Variants in KMT5B observed in about 807,000 individuals in gnomAD.
KMT5B encodes histone-lysine N-methyltransferase KMT5B.
Under a neutral mutation model 83.2 loss-of-function variants are expected in KMT5B, and 10 were observed. That is an observed-to-expected ratio of 0.12 (90% confidence interval 0.07 to 0.20). The LOEUF (loss-of-function observed/expected upper bound fraction) is 0.20, where lower values mean the gene tolerates loss of function less well. Among genes scored for constraint, KMT5B ranks in the 10% least tolerant of loss-of-function variants. The probability of loss-of-function intolerance (pLI) is 1.00; values close to 1 mark genes in which losing one functional copy is unlikely to be tolerated. For missense variants in KMT5B, 753 were observed against 1,067.2 expected, an observed-to-expected ratio of 0.71 and a Z score of 4.10; for synonymous variants, 349 against 388.8, an observed-to-expected ratio of 0.90 and a Z score of 1.20.
intron 9 of KMT5B, among the ~76,000 whole-genome samples, chr11:68,168,932 T>TA (rs1336792023): frequency 1.3e-5 from 2 of 152,202 alleles, no homozygotes; most frequent in South Asian, 2.1e-4. Context: ...AAGTAACTGT[T>TA]CAGTTAATAT....
At chr11:68,179,417 G>T (rs1334839694) in intron 4 of KMT5B, 4 of 1,273,888 alleles carry the variant, frequency 3.1e-6, no homozygotes, top group Middle Eastern at 2.2e-4. Context: ...ATTTACAATT[G>T]ATTATTATTA....
At chr11:68,200,693 T>A (rs1159338369) in intron 1 of KMT5B, among the ~76,000 whole-genome samples, 2 of 152,202 alleles carry the variant, frequency 1.3e-5, no homozygotes, top group African/African-American at 2.4e-5. Flanking sequence ...TTAAAAAAAT[T>A]TTTTTAAACT....
At chr11:68,189,804 G>GA in intron 2 of KMT5B, 113 bp downstream of exon 2, 1 of 1,122,796 alleles carries the variant, frequency 8.9e-7, no homozygotes, top group South Asian at 1.9e-5. Flanking sequence ...TGTTAATTAT[G>GA]AAAATGCAAA....
chr11:68,175,453 GTTATT>G (rs1388779824), intron 4 of KMT5B, among the ~76,000 whole-genome samples: 2 of 151,888 alleles, frequency 1.3e-5, no homozygotes, highest in Non-Finnish European at 2.9e-5. Context: ...TTTTCAATCT[GTTATT>G]TTAATTATTT....
rs11821031 is a variant in KMT5B, at chr11:68,168,844, G to A, written c.978-1666C>T. ...CCCTCTGGCTCTCAGCACAGTGTGT[G>A]TGTCCCCTTCACTGAACTGCCCTGA... On this transcript the variant is annotated intron_variant, in intron 9 of 10. Coordinates refer to ENST00000304363, the MANE Select transcript of KMT5B (RefSeq NM_017635.5). Among the ~76,000 whole-genome samples the A allele has an allele frequency of 2.5e-3, 380 of 152,268 alleles. 3 individuals are homozygous for A. The highest frequency in any genetic ancestry group is 8.3e-3 in the African/African-American group (346 of 41,540).
At chr11:68,170,661 G>A (rs571648692) in intron 9 of KMT5B, among the ~76,000 whole-genome samples, 1 of 152,270 alleles carries the variant, frequency 6.6e-6, no homozygotes, top group South Asian at 2.1e-4. Context: ...GACTATCAGT[G>A]GTGAACTCCA....
chr11:68,210,644 T>C (rs903059254), intron 1 of KMT5B, among the ~76,000 whole-genome samples: 3 of 152,194 alleles, frequency 2.0e-5, no homozygotes, highest in Non-Finnish European at 2.9e-5. Context: ...GAAGATGGCC[T>C]GGTGTTCAAG....
intron 9 of KMT5B, 32 bp from the exon 10 acceptor site, chr11:68,167,210 T>G (rs1459610307): frequency 6.4e-7 from 1 of 1,566,948 alleles, no homozygotes; most frequent in Non-Finnish European, 8.7e-7. Context: ...GTTAAACAAA[T>G]AGAACACACT....
chr11:68,211,205 TC>T (rs745444461), intron 1 of KMT5B, among the ~76,000 whole-genome samples: 2 of 152,140 alleles, frequency 1.3e-5, no homozygotes, highest in African/African-American at 4.8e-5. Flanking sequence ...CCGGGACACT[TC>T]CTTCACACGC....
rs568101165 is a variant in KMT5B at position 68,161,538 on chromosome 11, CCCG to C, written c.1175-2370_1175-2368del. Among the ~76,000 whole-genome samples the C allele has an allele frequency of 2.4e-3, 361 of 152,242 alleles. 2 individuals carry two copies. Among genetic ancestry groups the C allele is most frequent in the African/African-American group, 7.9e-3 (327 of 41,524 alleles). On this transcript the variant is annotated intron_variant, in intron 10 of 10. Transcript: ENST00000304363. The stretch of plus-strand genomic sequence containing the variant: ...CTATGTCATATTCTCAACAGCAATC[CCCG>C]CCATCTGGATCCAGCCTGCTCCTCC...
At chr11:68,195,643 T>G (rs1858610154) in intron 1 of KMT5B, among the ~76,000 whole-genome samples, 2 of 152,222 alleles carry the variant, frequency 1.3e-5, no homozygotes, top group Admixed American at 1.3e-4. Context: ...GGAGCAAGAC[T>G]GTAACTTTCC....
At chr11:68,161,601 G>T (rs929128010) in intron 10 of KMT5B, among the ~76,000 whole-genome samples, 5 of 152,112 alleles carry the variant, frequency 3.3e-5, no homozygotes, top group African/African-American at 1.2e-4. Context: ...ACAACTTCTT[G>T]TCGTCAAACC....
At position 68,155,225 on chromosome 11, in the gene KMT5B, A is replaced by C. The variant is rs1312008909; in HGVS notation, c.*2463T>G. On this transcript the variant is annotated 3_prime_UTR_variant, in exon 11 of 11. Transcript: ENST00000304363. ...TGGTCAACGGTGTGTGGCTGTCACCATTCCACACGGTGAAGTTCTACAGCA... is the reference window on the plus strand; with the variant it reads ...TGGTCAACGGTGTGTGGCTGTCACCCTTCCACACGGTGAAGTTCTACAGCA... 2.0e-5 allele frequency: 3 copies of C among 152,216 alleles called. No individual in the cohort carries two copies. Among genetic ancestry groups the C allele is most frequent in the Non-Finnish European group, 2.9e-5 (2 of 68,046 alleles). 9.4% of individuals were successfully genotyped at this position (152,216 alleles called of 1,614,324 possible). A position where few individuals can be genotyped will look rare whatever the true frequency, so the allele number is the denominator to read the frequency against.
intron 1 of KMT5B, among the ~76,000 whole-genome samples, chr11:68,193,307 C>T (rs1740124834): frequency 6.6e-6 from 1 of 152,176 alleles, no homozygotes; most frequent in African/African-American, 2.4e-5. Context: ...TTCCTTTCCA[C>T]AAACACATAG....
Position 68,171,461 on chromosome 11 carries a change from T to A in KMT5B, c.820+82A>T. The stretch of plus-strand genomic sequence containing the variant: ...ATTCTCCTTTAAAGGAAGATAAAGG[T>A]TTGACTGAGGTTGACAAGGCCATTC... On this transcript the variant is annotated intron_variant, in intron 7 of 10. Coordinates refer to ENST00000304363, the MANE Select transcript of KMT5B (RefSeq NM_017635.5). This position sits in a 1 kb window ranked among gnomAD's most constrained non-coding sequence, Gnocchi z 5.1. 6.9e-7 allele frequency: 1 copy of A among 1,443,312 alleles called. No individual in the cohort carries two copies. The highest frequency in any genetic ancestry group is 9.5e-7 in the Non-Finnish European group (1 of 1,053,150). The allele number at this position is 1,443,312 out of a possible 1,614,324, so 89.4% of individuals were successfully genotyped here. A position where few individuals can be genotyped will look rare whatever the true frequency, so the allele number is the denominator to read the frequency against.
At chr11:68,161,962 G>A (rs1382690771) in intron 10 of KMT5B, among the ~76,000 whole-genome samples, 2 of 149,292 alleles carry the variant, frequency 1.3e-5, no homozygotes, top group African/African-American at 2.4e-5. Flanking sequence ...GTCTCCTGAC[G>A]ACGTCCCCTT....
chr11:68,158,572 G>T lies in KMT5B; in HGVS notation c.1774C>A (p.His592Asn). The change falls in exon 11 of 11, where the codon CAT becomes AAT. Residue 592 changes from histidine to asparagine, a missense_variant. This residue lies in a region of KMT5B where 397 missense variants were observed against 395.9 expected (regional missense o/e 1.00). Coordinates refer to ENST00000304363, the MANE Select transcript of KMT5B (RefSeq NM_017635.5). ...GCCTCCCCTTTTTGTGCAGTCTCATGAGCCAGTTCTTCCTCCTGCAGCACA... is the reference window on the plus strand; with the variant it reads ...GCCTCCCCTTTTTGTGCAGTCTCATTAGCCAGTTCTTCCTCCTGCAGCACA... ...APVLQEEELAHETAQKGEAKC... is the reference protein window; with the variant it reads ...APVLQEEELANETAQKGEAKC... 1 of 1,614,054 alleles carries T rather than the reference G, an allele frequency of 6.2e-7. No homozygotes were observed. The highest frequency in any genetic ancestry group is 8.5e-7 in the Non-Finnish European group (1 of 1,180,020).
Position 68,200,418 on chromosome 11 carries a change from G to A in KMT5B, c.-76-10266C>T, listed in dbSNP as rs1212486985. 2.6e-5 allele frequency among the ~76,000 whole-genome samples: 4 copies of A among 152,186 alleles called. No individual in the cohort carries two copies. In the East Asian group the frequency reaches 7.7e-4, roughly 29 times the overall value. ...ATGAGTCTAAACTCGTGGAAAGGAT[G>A]GGCTATTGCTGATCTGTGAGCCTTG... On this transcript the variant is annotated intron_variant, in intron 1 of 10. Coordinates refer to ENST00000304363, the MANE Select transcript of KMT5B (RefSeq NM_017635.5).
rs1168883271 is a variant in KMT5B, at chr11:68,157,455, C to T, written c.*233G>A. Reference sequence around the variant, plus strand: ...CTTGAGCCTTTATTTTACAACAGGGCTTTACCTCTAACTCAGAATTGCACG... The same window carrying T: ...CTTGAGCCTTTATTTTACAACAGGGTTTTACCTCTAACTCAGAATTGCACG... On this transcript the variant is annotated 3_prime_UTR_variant, in exon 11 of 11. Coordinates refer to ENST00000304363, the MANE Select transcript of KMT5B (RefSeq NM_017635.5). 2.3e-5 allele frequency: 11 copies of T among 473,894 alleles called. No individual in the cohort carries two copies. The highest frequency in any genetic ancestry group is 4.2e-5 in the East Asian group (1 of 23,678). 29.4% of individuals were successfully genotyped at this position (473,894 alleles called of 1,614,324 possible).
Sources: allele counts gnomAD v4.1 joint callset (sites outside exome capture counted in the v4.1 genomes callset), GRCh38; gene constraint gnomAD v4.1.1; regional missense constraint gnomAD v4.1.1; non-coding constraint Gnocchi (gnomAD v3.1); transcripts MANE v1.5; gene names NCBI Gene and HGNC (gene_info 2026-07-23, HGNC 2026-07-21).